The following WDR73 variants were observed in gnomAD, a reference collection of about 807,000 sequenced individuals.
WDR73 encodes the protein WD repeat domain 73.
Under a neutral mutation model 38.2 loss-of-function variants are expected in WDR73, and 30 were observed. That is an observed-to-expected ratio of 0.79 (90% CI 0.59 to 1.06). WDR73 has a LOEUF of 1.06. Ranked by LOEUF, WDR73 falls within the 50% of genes least tolerant of loss-of-function variation. WDR73 has a pLI of 0.00. For missense variants in WDR73, 487 were observed against 467.0 expected, an observed-to-expected ratio of 1.04 and a Z score of -0.40; for synonymous variants, 197 against 176.0, an observed-to-expected ratio of 1.12 and a Z score of -0.94.
At chr15:84,652,246 G>A (rs557530387) in intron 3 of WDR73, among the ~76,000 whole-genome samples, 2 of 152,072 alleles carry the variant, frequency 1.3e-5, no homozygotes, top group Non-Finnish European at 2.9e-5. Flanking sequence ...TCTTCTCTTG[G>A]CTTCAGAAAC....
At position 84,645,847 on chromosome 15, in the gene WDR73, G is replaced by C. The variant is rs775647189; in HGVS notation, c.518-11C>G. On this transcript the variant is annotated splice_polypyrimidine_tract_variant and intron_variant, in intron 6 of 7. Coordinates refer to ENST00000434634, the MANE Select transcript of WDR73 (RefSeq NM_032856.5). The stretch of plus-strand genomic sequence containing the variant: ...CACTGTCACTGACATCTGGAAGACC[G>C]ACAGCAAAGGAGACAAGCGGCTGGA... The C allele has an allele frequency of 1.1e-5, 17 of 1,613,506 alleles. 1 individual carries two copies. Among genetic ancestry groups the C allele is most frequent in the Non-Finnish European group, 1.4e-5 (17 of 1,179,818 alleles).
At position 84,647,896 on chromosome 15, in the gene WDR73, C is replaced by T. The variant is rs554834821; in HGVS notation, c.346G>A (p.Asp116Asn). ...TCAAGTCAAATTCACTCACCACTGT[C>T]CTCTGCAACCTGCCACACCTGCAGA... Reference protein sequence around the residue: ...CYLQVWQVAEDSDVIKAVSTI... With the variant: ...CYLQVWQVAENSDVIKAVSTI... Residue 116 changes from aspartate (D) to asparagine (N), a missense_variant, in exon 5 of 8, where the codon GAC becomes AAC. By Grantham distance (23) the Asp-to-Asn change is conservative. Transcript: ENST00000434634. 8.6e-5 allele frequency: 138 copies of T among 1,613,968 alleles called. 1 individual carries two copies. Among genetic ancestry groups the T allele is most frequent in the South Asian group, 4.4e-4 (40 of 91,074 alleles).
chr15:84,654,155 A>G (rs1896715791), intron 1 of WDR73, 79 bp downstream of exon 1: 6 of 1,589,310 alleles, frequency 3.8e-6, no homozygotes, highest in Middle Eastern at 1.7e-4. Context: ...AGGATCCCCA[A>G]CGTGCCTCCA....
At position 84,653,687 on chromosome 15, in the gene WDR73, G is replaced by A. The variant is rs1165060801; in HGVS notation, c.54C>T (p.Phe18=). 4 of 1,591,438 alleles carry A rather than the reference G, an allele frequency of 2.5e-6. No individual in the cohort carries two copies. In the South Asian group the frequency reaches 3.4e-5, roughly 14 times the overall value. The change falls in exon 2 of 8, where the codon TTC becomes TTT. Residue 18 remains phenylalanine, a synonymous_variant. Transcript: ENST00000434634. ...TGGCTCCTGACAGGTCGAATGCATA[G>A]AAATCCTGGTACCTGCACAAAAGGG... The part of the protein sequence containing the change: ...LVESLRLYQD[F]YAFDLSGATR...
chr15:84,643,902 G>T, intron 7 of WDR73, 179 bp from the exon 8 acceptor site: 1 of 675,560 alleles, frequency 1.5e-6, no homozygotes, highest in South Asian at 2.4e-5. Context: ...CAGGCACCCA[G>T]CCCCTAAAAT....
rs369502067 is a variant in WDR73, at chr15:84,647,869, C to T, written c.352+21G>A. 6.6e-5 allele frequency: 106 copies of T among 1,613,604 alleles called. No homozygotes were observed. The African/African-American group carries it at 1.1e-3, about 17-fold the overall frequency. ...CACACTTTCCTAGAACCCCAAACCC[C>T]ATCAAGTCAAATTCACTCACCACTG... On this transcript the variant is annotated intron_variant, in intron 5 of 7. Transcript: ENST00000434634.
Position 84,646,236 on chromosome 15 carries a change from G to A in WDR73, c.465C>T (p.Leu155=). 1.9e-6 allele frequency: 3 copies of A among 1,613,898 alleles called. No individual in the cohort carries two copies. In the South Asian group the frequency reaches 3.3e-5, roughly 18 times the overall value. The change falls in exon 6 of 8, where the codon CTC becomes CTT. Residue 155 remains leucine, a synonymous_variant. Transcript: ENST00000434634. ...CCAGATCAACGACCTGCAGACTTCG[G>A]AGCCTCGCCCCATGGAGGACTCCGG... ...LAPGVLHGAR[L]RSLQVVDLES... is the part of the protein sequence containing the mutation.
At position 84,645,490 on chromosome 15, in the gene WDR73, C is replaced by A; in HGVS notation, c.864G>T (p.Lys288Asn). The A allele has an allele frequency of 6.2e-7, 1 of 1,612,344 alleles. No homozygotes were observed. The highest frequency in any genetic ancestry group is 1.1e-5 in the South Asian group (1 of 90,698). Reference protein sequence around the residue: ...LLRVTWAPGLKNCLAISGFDG... With the variant: ...LLRVTWAPGLNNCLAISGFDG... ...CAGTACCTGAGATGGCCAAGCAATTCTTCAGGCCTGGGGCCCAAGTCACTC... is the reference window on the plus strand; with the variant it reads ...CAGTACCTGAGATGGCCAAGCAATTATTCAGGCCTGGGGCCCAAGTCACTC... The change falls in exon 7 of 8, where the codon AAG becomes AAT. Residue 288 changes from lysine (K) to asparagine (N), a missense_variant. Physicochemically the swap from Lys to Asn is moderately conservative, Grantham distance 94 (BLOSUM62 0). Transcript: ENST00000434634.
At chr15:84,652,636 TG>T in intron 3 of WDR73, 77 bp downstream of exon 3, 1 of 867,188 alleles carries the variant, frequency 1.2e-6, no homozygotes, top group Non-Finnish European at 1.7e-6. Flanking sequence ...GGACAATACC[TG>T]GTAGATAACA....
At chr15:84,652,174 T>C (rs1896645405) in intron 3 of WDR73, among the ~76,000 whole-genome samples, 1 of 152,202 alleles carries the variant, frequency 6.6e-6, no homozygotes, top group South Asian at 2.1e-4. Context: ...CCTTCAATTC[T>C]TCTCTCAATG....
Position 84,643,834 on chromosome 15 carries a change from C to A in WDR73, c.884-111G>T, listed in dbSNP as rs189948022. 4.2e-5 allele frequency: 54 copies of A among 1,283,996 alleles called. No individual in the cohort carries two copies. The African/African-American group carries it at 7.2e-4, about 17-fold the overall frequency. The allele number at this position is 1,283,996 out of a possible 1,614,324, so 79.5% of individuals were successfully genotyped here. A position where few individuals can be genotyped will look rare whatever the true frequency, so the allele number is the denominator to read the frequency against. On this transcript the variant is annotated intron_variant, in intron 7 of 7. Transcript: ENST00000434634. Reference sequence around the variant, plus strand: ...GTTTCACCATGTTGACCAGGATGGTCTTGAACTCCTAGCCTCAAGCGATCC... The same window carrying A: ...GTTTCACCATGTTGACCAGGATGGTATTGAACTCCTAGCCTCAAGCGATCC...
intron 7 of WDR73, chr15:84,644,237 A>G (rs996373734): frequency 3.2e-5 from 5 of 156,436 alleles, no homozygotes; most frequent in African/African-American, 9.7e-5. Flanking sequence ...GGTCCCTTTC[A>G]GCAGATGGCC....
At position 84,643,661 on chromosome 15, in the gene WDR73, C is replaced by G. The variant is rs199676984; in HGVS notation, c.946G>C (p.Gly316Arg). ...TSWDGTRSQD[G>R]TRSQVEPLFT... is the part of the protein sequence containing the mutation. ...AGAGGTTCTACTTGGCTCCGTGTTC[C>G]ATCTTGGCTCCGTGTTCCATCCCAA... Residue 316 changes from glycine to arginine, a missense_variant, in exon 8 of 8, where the codon GGA becomes CGA. Transcript: ENST00000434634. 9.4e-7 allele frequency: 1 copy of G among 1,068,464 alleles called. No homozygotes were observed. The highest frequency in any genetic ancestry group is 1.8e-5 in the South Asian group (1 of 56,066). 66.2% of individuals were successfully genotyped at this position (1,068,464 alleles called of 1,614,324 possible).
intron 3 of WDR73, among the ~76,000 whole-genome samples, chr15:84,651,672 C>T (rs1449405643): frequency 6.6e-6 from 1 of 152,192 alleles, no homozygotes; most frequent in Non-Finnish European, 1.5e-5. Context: ...GCTCAAGCCT[C>T]TGTGTTTAGG....
chr15:84,654,200 C>G (rs528316856), intron 1 of WDR73, 34 bp downstream of exon 1: 11 of 1,613,730 alleles, frequency 6.8e-6, no homozygotes, highest in Non-Finnish European at 9.3e-6. Flanking sequence ...AAGCTCCAGG[C>G]CCAGCTCCCA....
At chr15:84,652,259 T>G (rs575706136) in intron 3 of WDR73, among the ~76,000 whole-genome samples, 1 of 152,202 alleles carries the variant, frequency 6.6e-6, no homozygotes. Flanking sequence ...TCAGAAACAT[T>G]GACCTTTTCT....
Position 84,651,511 on chromosome 15 carries a change from C to T in WDR73, c.198+1203G>A, listed in dbSNP as rs114770849. On this transcript the variant is annotated intron_variant, in intron 3 of 7. Transcript: ENST00000434634. ...GGTCATCTGCCTGCATGCCTCACTC[C>T]TCCCTTGTCCTCTGATGACTAATAC... Among the ~76,000 whole-genome samples the T allele has an allele frequency of 7.4e-3, 1,134 of 152,310 alleles. 16 individuals are homozygous for T. Among genetic ancestry groups the T allele is most frequent in the African/African-American group, 0.026 (1,082 of 41,572 alleles).
chr15:84,645,018 T>C (rs948043593), intron 7 of WDR73: 1 of 196,070 alleles, frequency 5.1e-6, no homozygotes, highest in African/African-American at 2.3e-5. Flanking sequence ...TGGTGCAATC[T>C]CAGCTCACTG....
chr15:84,653,658 CG>C lies in WDR73; in HGVS notation c.82del (p.Arg28GlufsTer19). The C allele has an allele frequency of 6.3e-7, 1 of 1,595,482 alleles. No individual in the cohort carries two copies. Among genetic ancestry groups the C allele is most frequent in the Non-Finnish European group, 8.5e-7 (1 of 1,170,784 alleles). The stretch of plus-strand genomic sequence containing the variant: ...TTTGTCATCAATCCATTCAAGGACT[CG>C]AGTGGCTCCTGACAGGTCGAATGCA... ...FYAFDLSGAT[R>X]VLEWIDDKGV... On this transcript the variant is annotated frameshift_variant, in exon 2 of 8. Transcript: ENST00000434634. LOFTEE classifies it high-confidence loss of function.
Sources: allele counts gnomAD v4.1 joint callset (sites outside exome capture counted in the v4.1 genomes callset), GRCh38; gene constraint gnomAD v4.1.1; transcripts MANE v1.5; gene names NCBI Gene and HGNC (gene_info 2026-07-23, HGNC 2026-07-21).